Variants in FUBP1 observed in about 807,000 individuals in gnomAD.
FUBP1 encodes far upstream element-binding protein 1.
In FUBP1, 16 loss-of-function variants were observed where a neutral mutation model predicts 94.9. The observed-to-expected ratio is 0.17, with a 90% confidence interval of 0.11 to 0.26. The LOEUF (loss-of-function observed/expected upper bound fraction) is 0.26. Ranked by LOEUF, FUBP1 falls within the 10% of genes least tolerant of loss-of-function variation. The pLI is 1.00. For synonymous variants in FUBP1, 279 were observed against 254.9 expected (o/e 1.09, Z -0.90); for missense variants, 583 against 808.6 (o/e 0.72, Z 3.38).
chr1:77,963,997 GATTTC>G (rs1160190106), intron 12 of FUBP1, 60 bp downstream of exon 12: 1 of 992,572 alleles, frequency 1.0e-6, no homozygotes, highest in Non-Finnish European at 1.6e-6. Context: ...GGTAACTTCA[GATTTC>G]ATGAAGGAAA....
At chr1:77,950,352 G>A (rs989026839) in intron 18 of FUBP1, among the ~76,000 whole-genome samples, 16 of 152,190 alleles carry the variant, frequency 1.1e-4, no homozygotes, top group African/African-American at 3.9e-4. Flanking sequence ...TAGAGATGGG[G>A]TTTTGCCATG....
rs768059426 is a variant in FUBP1, at chr1:77,964,718, A to C, written c.765T>G (p.Ile255Met). ...CTTCTCTGAAACCGCCTTGATCACGAATTAACTCTAACACCATTTCCTTGG... is the reference window on the plus strand; with the variant it reads ...CTTCTCTGAAACCGCCTTGATCACGCATTAACTCTAACACCATTTCCTTGG... ...QQAKEMVLEL[I>M]RDQGGFREVR... is the part of the protein sequence containing the mutation. The change falls in exon 10 of 20, where the codon ATT (isoleucine) becomes ATG (methionine). Residue 255 changes from isoleucine to methionine, a missense_variant. Transcript: ENST00000370768. 2 of 1,612,882 alleles carry C rather than the reference A, an allele frequency of 1.2e-6. No homozygotes were observed. The highest frequency in any genetic ancestry group is 2.2e-5 in the South Asian group (2 of 91,046).
intron 1 of FUBP1, among the ~76,000 whole-genome samples, chr1:77,975,188 C>T (rs1267784729): frequency 1.3e-5 from 2 of 152,164 alleles, no homozygotes; most frequent in Non-Finnish European, 2.9e-5. Context: ...TACTGTAATT[C>T]ATTAAAAATG....
intron 1 of FUBP1, among the ~76,000 whole-genome samples, chr1:77,974,412 G>A (rs1009805841): frequency 1.3e-5 from 2 of 152,068 alleles, no homozygotes; most frequent in African/African-American, 4.8e-5. Flanking sequence ...GATTACAGGC[G>A]TGAGCCACCG....
chr1:77,964,675 A>G lies in FUBP1; in HGVS notation c.808T>C (p.Ser270Pro), dbSNP rs2102399050. The G allele has an allele frequency of 6.2e-7, 1 of 1,604,726 alleles. No individual in the cohort carries two copies. Among genetic ancestry groups the G allele is most frequent in the African/African-American group, 1.3e-5 (1 of 74,878 alleles). ...ATCCCTTCATTTCCTCCTATTCTTGACCCATACTCATTCCGAACTTCTCTG... is the reference window on the plus strand; with the variant it reads ...ATCCCTTCATTTCCTCCTATTCTTGGCCCATACTCATTCCGAACTTCTCTG... ...GFREVRNEYGSRIGGNEGIDV... is the reference protein window; with the variant it reads ...GFREVRNEYGPRIGGNEGIDV... Residue 270 changes from serine (S) to proline (P), a missense_variant, in exon 10 of 20, where the codon TCA becomes CCA. Ser to Pro is a moderately conservative substitution (Grantham distance 74, BLOSUM62 -1). Transcript: ENST00000370768.
chr1:77,969,173 A>G (rs551481970), intron 2 of FUBP1: 1 of 400,168 alleles, frequency 2.5e-6, no homozygotes, highest in South Asian at 2.1e-5. Flanking sequence ...CTCACTATAA[A>G]TATGAAAGAC....
chr1:77,960,142 G>GA lies in FUBP1; in HGVS notation c.1576+41dup, dbSNP rs779807284. ...AAAATTTAATAATGTAACAGGAGTG[G>GA]AAAATAATACAGATAACACACAAAT... On this transcript the variant is annotated intron_variant, in intron 16 of 19. Transcript: ENST00000370768. The GA allele has an allele frequency of 3.6e-6, 5 of 1,371,658 alleles. No individual in the cohort carries two copies. In the Admixed American group the frequency reaches 9.2e-5, roughly 25 times the overall value. 85.0% of individuals were successfully genotyped at this position (1,371,658 alleles called of 1,614,324 possible).
Position 77,968,642 on chromosome 1 carries a change from CA to C in FUBP1, c.212-440del, listed in dbSNP as rs796481917. 5.6e-3 allele frequency among the ~76,000 whole-genome samples: 660 copies of C among 118,726 alleles called. 2 individuals are homozygous for C. The highest frequency in any genetic ancestry group is 0.031 in the Middle Eastern group (7 of 224). 77.9% of individuals were successfully genotyped at this position (118,726 alleles called of 152,430 possible). On this transcript the variant is annotated intron_variant, in intron 2 of 19. Coordinates refer to ENST00000370768, the MANE Select transcript of FUBP1 (RefSeq NM_003902.5). ...CTGACAGTGACCACAAAGCTATGCC[CA>C]AAAAAAAAAAAACAAAAAAACCCCC...
rs1229637598 is a variant in FUBP1 at position 77,964,278 on chromosome 1, C to T, written c.916G>A (p.Gly306Ser). The part of the protein sequence containing the change: ...EMIKKIQNDA[G>S]VRIQFKPDDG... The stretch of plus-strand genomic sequence containing the variant: ...CCTGGCTTAAACTGAATGCGAACAC[C>T]AGCATCATTTTGTATTTTTTTGATC... Residue 306 changes from glycine to serine, a missense_variant, in exon 11 of 20, where the codon GGT (glycine) becomes AGT (serine). By Grantham distance (56) the Gly-to-Ser change is moderately conservative (BLOSUM62 0). Transcript: ENST00000370768. The T allele has an allele frequency of 2.4e-5, 38 of 1,609,176 alleles. No individual in the cohort carries two copies. Among genetic ancestry groups the T allele is most frequent in the East Asian group, 4.5e-5 (2 of 44,838 alleles).
In FUBP1 at chr1:77,955,296, A is replaced by G. The variant is rs767460022; in HGVS notation, c.1739T>C (p.Val580Ala). The change falls in exon 18 of 20, where the codon GTT (valine) becomes GCT (alanine). Residue 580 changes from valine (V) to alanine (A), a missense_variant. Transcript: ENST00000370768. The stretch of plus-strand genomic sequence containing the variant: ...CTCTTCCCAAGCCTTGGTATAATCA[A>G]CCTGTCCAGCTGGGGCTGGATTCTG... ...DQQNPAPAGQ[V>A]DYTKAWEEYY... 2 of 1,564,790 alleles carry G rather than the reference A, an allele frequency of 1.3e-6. No homozygotes were observed.
intron 1 of FUBP1, among the ~76,000 whole-genome samples, chr1:77,970,743 A>T (rs1041443496): frequency 6.6e-6 from 1 of 152,208 alleles, no homozygotes; most frequent in Non-Finnish European, 1.5e-5. Context: ...TGACTGAACC[A>T]ATTTAAGAAA....
rs1654517365 is a variant in FUBP1 at position 77,956,671 on chromosome 1, C to A, written c.1606G>T (p.Ala536Ser). Reference sequence around the variant, plus strand: ...TAGTGAGCGTAATAAGCAGCCCAAGCTGCTGAATTTGGATCCGTTCCTGCC... The same window carrying A: ...TAGTGAGCGTAATAAGCAGCCCAAGATGCTGAATTTGGATCCGTTCCTGCC... Reference protein sequence around the residue: ...AKAGTDPNSAAWAAYYAHYYQ... With the variant: ...AKAGTDPNSASWAAYYAHYYQ... Residue 536 changes from alanine (A) to serine (S), a missense_variant, in exon 17 of 20, where the codon GCT (alanine) becomes TCT (serine). Physicochemically the swap from Ala to Ser is moderately conservative, Grantham distance 99 (BLOSUM62 1). Transcript: ENST00000370768. 1.2e-6 allele frequency: 2 copies of A among 1,612,522 alleles called. No individual in the cohort carries two copies. Among genetic ancestry groups the A allele is most frequent in the South Asian group, 1.1e-5 (1 of 91,040 alleles).
chr1:77,948,997 CAAAA>C, intron 19 of FUBP1, 154 bp downstream of exon 19: 7 of 921,946 alleles, frequency 7.6e-6, no homozygotes, highest in Non-Finnish European at 1.2e-5. Context: ...TTATAAAAAA[CAAAA>C]AAACCCAAAC....
At chr1:77,957,419 G>A (rs958382754) in intron 16 of FUBP1, among the ~76,000 whole-genome samples, 2 of 152,208 alleles carry the variant, frequency 1.3e-5, no homozygotes, top group East Asian at 3.9e-4. Context: ...GTACTTTTCA[G>A]AAATCACTAT....
chr1:77,965,530 C>T (rs908176067), intron 7 of FUBP1, among the ~76,000 whole-genome samples: 1 of 152,114 alleles, frequency 6.6e-6, no homozygotes, highest in Non-Finnish European at 1.5e-5. Context: ...CTGATTCTTC[C>T]AAGAACTAAA....
Position 77,979,064 on chromosome 1 carries a change from G to C in FUBP1, c.-60C>G. On this transcript the variant is annotated 5_prime_UTR_variant, in exon 1 of 20. Transcript: ENST00000370768. ...AGACTTCCTCTCAGCTAACAGCTAA[G>C]AAAGAAAGAAAATGGCGGCCGTCGA... The C allele has an allele frequency of 6.7e-7, 1 of 1,486,722 alleles. No homozygotes were observed. The highest frequency in any genetic ancestry group is 9.0e-7 in the Non-Finnish European group (1 of 1,108,222). The allele number at this position is 1,486,722 out of a possible 1,614,324, so 92.1% of individuals were successfully genotyped here.
rs1158364154 is a variant in FUBP1, at chr1:77,963,676, T to C, written c.1081A>G (p.Arg361Gly). ...TTCCAGTTGCCTTGACCTCTACCTC[T>C]TCCTCGACCACCAGGTCCAGGTCCA... ...PGGPGPGGRG[R>G]GRGQGNWNMG... Residue 361 changes from arginine (R) to glycine (G), a missense_variant, in exon 13 of 20, where the codon AGA becomes GGA. Transcript: ENST00000370768. The C allele has an allele frequency of 1.2e-6, 2 of 1,610,660 alleles. No individual in the cohort carries two copies. Among genetic ancestry groups the C allele is most frequent in the Admixed American group, 1.7e-5 (1 of 59,958 alleles).
chr1:77,959,254 G>C (rs1655017973), intron 16 of FUBP1, among the ~76,000 whole-genome samples: 1 of 152,168 alleles, frequency 6.6e-6, no homozygotes, highest in African/African-American at 2.4e-5. Context: ...ATAAATAAAT[G>C]TTAATTGGTT....
At position 77,945,375 on chromosome 1, in the gene FUBP1, A is replaced by G. The variant is rs1651941261; in HGVS notation, c.*3391T>C. ...TGTAACTTAAGAAATTTAACAGTTC[A>G]TGGAACATTTAAGATCAAGTGAATA... On this transcript the variant is annotated 3_prime_UTR_variant, in exon 20 of 20. Coordinates refer to ENST00000370768, the MANE Select transcript of FUBP1 (RefSeq NM_003902.5). 4.7e-6 allele frequency: 1 copy of G among 213,720 alleles called. No individual in the cohort carries two copies. The highest frequency in any genetic ancestry group is 2.3e-5 in the African/African-American group (1 of 44,280). 13.2% of individuals were successfully genotyped at this position (213,720 alleles called of 1,614,324 possible). A position where few individuals can be genotyped will look rare whatever the true frequency, so the allele number is the denominator to read the frequency against.
Sources: allele counts gnomAD v4.1 joint callset (sites outside exome capture counted in the v4.1 genomes callset), GRCh38; gene constraint gnomAD v4.1.1; transcripts MANE v1.5; gene names NCBI Gene and HGNC (gene_info 2026-07-23, HGNC 2026-07-21).